Variants in ATAD2B observed in about 807,000 individuals in gnomAD.
ATAD2B encodes the protein ATPase family AAA domain containing 2B.
ATAD2B carries 40 observed loss-of-function variants against 167.6 expected under a neutral mutation model. The observed-to-expected ratio is 0.24, with a 90% CI of 0.19 to 0.31. The LOEUF (loss-of-function observed/expected upper bound fraction) is 0.31, where lower values mean the gene tolerates loss of function less well. ATAD2B is among the 10% of genes least tolerant of loss of function. ATAD2B has a pLI of 1.00. For missense variants in ATAD2B, 1,242 were observed against 1,757.2 expected (o/e 0.71, Z 5.24); for synonymous variants, 579 against 596.5 (o/e 0.97, Z 0.43).
the ATAD2B span, chr2:23,708,122 C>T: frequency 7.2e-5 from 11 of 152,348 alleles, no homozygotes; most frequent in East Asian, 2.1e-3. Context: ...ACAGGACACG[C>T]TTTCCATCGT....
At position 23,757,368 on chromosome 2, in the gene ATAD2B, T is replaced by C. The variant is rs757668029; in HGVS notation, c.4078+50A>G. On this transcript the variant is annotated intron_variant, in intron 25 of 27. Coordinates refer to ENST00000238789, the MANE Select transcript of ATAD2B (RefSeq NM_017552.4). ...GGAACCAGATAAAATACACAACGAA[T>C]TAACTCTGGAGTTTAAACCTTCAGA... 3.7e-6 allele frequency: 5 copies of C among 1,345,812 alleles called. No individual in the cohort carries two copies. The Admixed American group carries it at 1.3e-4, about 35-fold the overall frequency. The allele number at this position is 1,345,812 out of a possible 1,614,324, so 83.4% of individuals were successfully genotyped here.
Position 23,926,601 on chromosome 2 carries a change from TTGGCGGCGGGGCAGC to T in ATAD2B, c.155_169del (p.Ser52_Ala56del), listed in dbSNP as rs1447275390. The T allele has an allele frequency of 7.0e-6, 11 of 1,564,318 alleles. No individual in the cohort carries two copies. The highest frequency in any genetic ancestry group is 8.7e-6 in the Non-Finnish European group (10 of 1,155,852). On this transcript the variant is annotated inframe_deletion, in exon 1 of 28. Coordinates refer to ENST00000238789, the MANE Select transcript of ATAD2B (RefSeq NM_017552.4). ...GCCGGCGCCACCGCTTCCCCCGGCT[TTGGCGGCGGGGCAGC>T]TGGCGGCGCGGGTCTTGGAGGAGCG...
rs1572899115 is a variant in ATAD2B at position 23,819,792 on chromosome 2, T to A, written c.2222A>T (p.Gln741Leu). Reference sequence around the variant, plus strand: ...TTTATGTATAGCAGCAGATGATGACTGTTTCTTTGGTGATCCTGAGTGACA... The same window carrying A: ...TTTATGTATAGCAGCAGATGATGACAGTTTCTTTGGTGATCCTGAGTGACA... ...TNCHSGSPKK[Q>L]SSSAAIHKPY... Residue 741 changes from glutamine to leucine, a missense_variant, in exon 17 of 28, where the codon CAG becomes CTG. By Grantham distance (113) the Gln-to-Leu change is moderately radical (BLOSUM62 -2). This residue lies in a region of ATAD2B where 145 missense variants were observed against 181.9 expected (regional missense o/e 0.80). Coordinates refer to ENST00000238789, the MANE Select transcript of ATAD2B (RefSeq NM_017552.4). 3.7e-6 allele frequency: 6 copies of A among 1,610,732 alleles called. No individual in the cohort carries two copies. Among genetic ancestry groups the A allele is most frequent in the Non-Finnish European group, 5.1e-6 (6 of 1,177,394 alleles).
At chr2:23,688,179 C>T in the ATAD2B span, among the ~76,000 whole-genome samples, 2 of 152,184 alleles carry the variant, frequency 1.3e-5, no homozygotes, top group African/African-American at 4.8e-5. Flanking sequence ...CACCAAGTTA[C>T]CAAGGGTGGG....
At position 23,864,883 on chromosome 2, in the gene ATAD2B, A is replaced by T. The variant is rs199919713; in HGVS notation, c.1230T>A (p.His410Gln). ...GGAATACTACCATTTCCTTTAGCGC[A>T]TGAATATGATGGCTCAATCCACCTA... ...DSIGGLSHHI[H>Q]ALKEMVVFPL... is the part of the protein sequence containing the mutation. The change falls in exon 11 of 28, where the codon CAT becomes CAA. Residue 410 changes from histidine to glutamine, a missense_variant. Coordinates refer to ENST00000238789, the MANE Select transcript of ATAD2B (RefSeq NM_017552.4). The T allele has an allele frequency of 1.3e-6, 2 of 1,598,672 alleles. No homozygotes were observed. The highest frequency in any genetic ancestry group is 1.7e-6 in the Non-Finnish European group (2 of 1,173,228).
intron 1 of ATAD2B, among the ~76,000 whole-genome samples, chr2:23,896,443 G>C (rs1372325834): frequency 6.6e-6 from 1 of 151,732 alleles, no homozygotes; most frequent in Non-Finnish European, 1.5e-5. Flanking sequence ...ATAAAAACAA[G>C]AAAGATTACA....
chr2:23,848,267 C>A (rs1001813853), intron 13 of ATAD2B, among the ~76,000 whole-genome samples: 2 of 152,072 alleles, frequency 1.3e-5, no homozygotes, highest in African/African-American at 4.8e-5. Context: ...CTTTGGTAGG[C>A]CAAGGCAGGC....
intron 7 of ATAD2B, among the ~76,000 whole-genome samples, chr2:23,877,892 C>CA (rs201431904): frequency 6.7e-6 from 1 of 148,506 alleles, no homozygotes; most frequent in African/African-American, 2.5e-5. Context: ...CCCAACTTTA[C>CA]AAAAAAATTT....
intron 16 of ATAD2B, among the ~76,000 whole-genome samples, chr2:23,821,689 A>C (rs528986097): frequency 6.6e-6 from 1 of 152,358 alleles, no homozygotes; most frequent in South Asian, 2.1e-4. Context: ...GAACTGCAGA[A>C]ATTAAGATAA....
chr2:23,880,623 A>G lies in ATAD2B; in HGVS notation c.901+16T>C, dbSNP rs2150206134. The G allele has an allele frequency of 6.9e-7, 1 of 1,452,132 alleles. No individual in the cohort carries two copies. The highest frequency in any genetic ancestry group is 1.2e-5 in the South Asian group (1 of 81,648). 90.0% of individuals were successfully genotyped at this position (1,452,132 alleles called of 1,614,324 possible). On this transcript the variant is annotated intron_variant, in intron 7 of 27. Transcript: ENST00000238789. ...CTCAACTACCAGAAAGAAAAAAGTT[A>G]TTTAGAGTTGCCTACCTATTGGAGG...
the ATAD2B span, among the ~76,000 whole-genome samples, chr2:23,711,883 A>G: frequency 6.6e-6 from 1 of 152,216 alleles, no homozygotes; most frequent in Non-Finnish European, 1.5e-5. Context: ...TAATATACGT[A>G]TACAACATAA....
intron 1 of ATAD2B, among the ~76,000 whole-genome samples, chr2:23,902,115 T>C (rs1478607002): frequency 6.6e-6 from 1 of 152,214 alleles, no homozygotes; most frequent in Non-Finnish European, 1.5e-5. Flanking sequence ...GACTGGAATC[T>C]CTGGAGGTGA....
At chr2:23,842,171 C>CGGTT (rs1691018507) in intron 13 of ATAD2B, among the ~76,000 whole-genome samples, 1 of 152,114 alleles carries the variant, frequency 6.6e-6, no homozygotes, top group Non-Finnish European at 1.5e-5. Flanking sequence ...TTTTCCCCAT[C>CGGTT]GGTTATATGA....
At chr2:23,730,936 A>T in the ATAD2B span, among the ~76,000 whole-genome samples, 1 of 152,006 alleles carries the variant, frequency 6.6e-6, no homozygotes, top group East Asian at 1.9e-4. Context: ...TCAAGAAAAA[A>T]AAAGAGAAGA....
At chr2:23,917,401 T>C (rs1329694078) in intron 1 of ATAD2B, among the ~76,000 whole-genome samples, 3 of 152,234 alleles carry the variant, frequency 2.0e-5, no homozygotes, top group Non-Finnish European at 2.9e-5. Flanking sequence ...AAATATGCTA[T>C]ATAATGTCTT....
chr2:23,781,862 G>GA (rs1035247658), intron 22 of ATAD2B, among the ~76,000 whole-genome samples: 24 of 151,488 alleles, frequency 1.6e-4, no homozygotes, highest in Non-Finnish European at 1.0e-4. Flanking sequence ...GCCCAGGCTG[G>GA]AGTACAGTGG....
intron 1 of ATAD2B, among the ~76,000 whole-genome samples, chr2:23,909,847 T>C (rs1167335674): frequency 1.3e-5 from 2 of 151,756 alleles, no homozygotes; most frequent in African/African-American, 4.8e-5. Flanking sequence ...TAAGTTTGGG[T>C]TGTTTTTTTT....
rs955020432 is a variant in ATAD2B at position 23,810,638 on chromosome 2, G to A, written c.2268-136C>T. On this transcript the variant is annotated intron_variant, in intron 17 of 27. Coordinates refer to ENST00000238789, the MANE Select transcript of ATAD2B (RefSeq NM_017552.4). ...CTTTCCTATATTATTTTAGTATAGT[G>A]ACTTATTTTTTTATTAATTATGGTT... is the stretch of plus-strand genomic sequence containing the variant. 9 of 660,262 alleles carry A rather than the reference G, an allele frequency of 1.4e-5. No individual in the cohort carries two copies. The Admixed American group carries it at 1.8e-4, about 13-fold the overall frequency. The allele number at this position is 660,262 out of a possible 1,614,324, so 40.9% of individuals were successfully genotyped here. A position where few individuals can be genotyped will look rare whatever the true frequency, so the allele number is the denominator to read the frequency against.
the ATAD2B span, among the ~76,000 whole-genome samples, chr2:23,722,738 C>G: frequency 2.3e-4 from 35 of 152,086 alleles, no homozygotes; most frequent in Non-Finnish European, 3.8e-4. Context: ...GAACCTCAAA[C>G]AGATTCAACC....
Sources: allele counts gnomAD v4.1 joint callset (sites outside exome capture counted in the v4.1 genomes callset), GRCh38; gene constraint gnomAD v4.1.1; regional missense constraint gnomAD v4.1.1; transcripts MANE v1.5; gene names NCBI Gene and HGNC (gene_info 2026-07-23, HGNC 2026-07-21).